Variants in HPF1 observed in about 807,000 individuals in gnomAD.
HPF1 encodes the protein histone PARylation factor 1, also known as UPF0609 protein C4orf27.
HPF1 carries 35 observed loss-of-function variants against 38.8 expected under a neutral mutation model. The observed-to-expected ratio is 0.90, with a 90% confidence interval of 0.69 to 1.19. The LOEUF is 1.19. HPF1 is among the 50% of genes most tolerant of loss of function. The pLI is 0.00. For missense variants in HPF1, 367 were observed against 405.8 expected, an observed-to-expected ratio of 0.90 and a Z score of 0.82; for synonymous variants, 115 against 139.2, an observed-to-expected ratio of 0.83 and a Z score of 1.22.
Position 169,757,924 on chromosome 4 carries a change from C to G in HPF1, c.-47G>C. 6.6e-7 allele frequency: 1 copy of G among 1,525,096 alleles called. No homozygotes were observed. Among genetic ancestry groups the G allele is most frequent in the Admixed American group, 2.0e-5 (1 of 50,562 alleles). The allele number at this position is 1,525,096 out of a possible 1,614,324, so 94.5% of individuals were successfully genotyped here. A position where few individuals can be genotyped will look rare whatever the true frequency, so the allele number is the denominator to read the frequency against. ...GAATTCCCCGATCCGCGGCCGCTTC[C>G]GAGCGCCGCCAACCGCTTCCGGGTT... is the stretch of plus-strand genomic sequence containing the variant. On this transcript the variant is annotated 5_prime_UTR_variant, in exon 1 of 8. Transcript: ENST00000393381.
intron 4 of HPF1, among the ~76,000 whole-genome samples, chr4:169,745,285 C>T (rs1734032924): frequency 6.6e-6 from 1 of 152,170 alleles, no homozygotes; most frequent in Non-Finnish European, 1.5e-5. Flanking sequence ...CACTGCCCAG[C>T]GACAGCAAGG....
intron 6 of HPF1, among the ~76,000 whole-genome samples, chr4:169,732,330 G>C (rs1436460815): frequency 6.6e-6 from 1 of 151,856 alleles, no homozygotes; most frequent in Non-Finnish European, 1.5e-5. Flanking sequence ...TAGTAGAGAC[G>C]GGATTTCACC....
chr4:169,748,679 C>G, intron 4 of HPF1, 65 bp downstream of exon 4: 1 of 774,724 alleles, frequency 1.3e-6, no homozygotes, highest in South Asian at 2.0e-5. Context: ...GCCCCTCAAA[C>G]CCCCTTTGTA....
Position 169,748,179 on chromosome 4 carries a change from G to T in HPF1, c.497+565C>A, listed in dbSNP as rs529947251. Among the ~76,000 whole-genome samples, 8 of 152,248 alleles carry T rather than the reference G, an allele frequency of 5.3e-5. No individual in the cohort carries two copies. In the South Asian group the frequency reaches 1.7e-3, roughly 32 times the overall value. ...AACTCTTAACAGGTGTTTAAAATCA[G>T]ATGTCTAACAAAACTGTTGATGTTG... is the stretch of plus-strand genomic sequence containing the variant. On this transcript the variant is annotated intron_variant, in intron 4 of 7. Transcript: ENST00000393381.
intron 1 of HPF1, among the ~76,000 whole-genome samples, chr4:169,757,369 GT>G (rs1410196455): frequency 1.3e-5 from 2 of 152,152 alleles, no homozygotes; most frequent in South Asian, 2.1e-4. Flanking sequence ...CTCCTTCAGT[GT>G]TTCCATAGCA....
At chr4:169,748,868 T>C in intron 3 of HPF1, 26 bp from the exon 4 acceptor site, 1 of 1,017,516 alleles carries the variant, frequency 9.8e-7, no homozygotes, top group Non-Finnish European at 1.5e-6. Context: ...ACATTAAAAA[T>C]TTAGCTGCCC....
intron 4 of HPF1, among the ~76,000 whole-genome samples, chr4:169,746,329 GTA>G (rs1038310642): frequency 6.6e-5 from 10 of 152,094 alleles, no homozygotes; most frequent in African/African-American, 2.4e-4. Context: ...TAACTTAAGG[GTA>G]TAAATGTGTA....
chr4:169,752,166 G>A (rs1415620121), intron 2 of HPF1, among the ~76,000 whole-genome samples: 2 of 118,526 alleles, frequency 1.7e-5, no homozygotes, highest in Non-Finnish European at 3.4e-5. Context: ...ATACAGGCAT[G>A]ACTTTTTTTT....
At chr4:169,735,283 A>G (rs1202137873) in intron 6 of HPF1, among the ~76,000 whole-genome samples, 6 of 152,228 alleles carry the variant, frequency 3.9e-5, no homozygotes, top group African/African-American at 1.4e-4. Context: ...GTTAAAGTGA[A>G]TCATGACACT....
intron 5 of HPF1, among the ~76,000 whole-genome samples, chr4:169,738,159 T>C (rs539857447): frequency 1.3e-3 from 205 of 152,274 alleles, no homozygotes; most frequent in African/African-American, 4.7e-3. Context: ...CAAGAAGATA[T>C]GGTAGGACAG....
At chr4:169,757,650 T>C (rs572917304) in intron 1 of HPF1, among the ~76,000 whole-genome samples, 180 bp downstream of exon 1, 3 of 152,344 alleles carry the variant, frequency 2.0e-5, no homozygotes, top group East Asian at 1.9e-4. Context: ...GCTACTTTCC[T>C]GGTCCAACCC....
chr4:169,757,411 CA>C (rs1013410838), intron 1 of HPF1, among the ~76,000 whole-genome samples: 1 of 152,246 alleles, frequency 6.6e-6, no homozygotes, highest in South Asian at 2.1e-4. Flanking sequence ...TAATCCCAAA[CA>C]AAAAAGTCAC....
At chr4:169,741,820 C>G (rs1733972987) in intron 5 of HPF1, 137 bp downstream of exon 5, 1 of 689,838 alleles carries the variant, frequency 1.4e-6, no homozygotes, top group Non-Finnish European at 2.4e-6. Context: ...GTGCCATCCT[C>G]CTAACATCCC....
At chr4:169,755,179 C>T (rs1474572462) in intron 1 of HPF1, among the ~76,000 whole-genome samples, 2 of 151,380 alleles carry the variant, frequency 1.3e-5, no homozygotes, top group Non-Finnish European at 2.9e-5. Context: ...GTCATGGTGG[C>T]ATTAATTCCA....
chr4:169,751,886 T>C (rs1581323313), intron 2 of HPF1, among the ~76,000 whole-genome samples: 1 of 152,172 alleles, frequency 6.6e-6, no homozygotes. Context: ...CAAATTTCCA[T>C]ACTCTCCACC....
chr4:169,747,385 C>T (rs904267834), intron 4 of HPF1, among the ~76,000 whole-genome samples: 1 of 152,024 alleles, frequency 6.6e-6, no homozygotes, highest in East Asian at 1.9e-4. Flanking sequence ...CTTGTAGATA[C>T]ACCAGTATGT....
chr4:169,733,148 C>G (rs1217184956), intron 6 of HPF1, among the ~76,000 whole-genome samples: 1 of 152,138 alleles, frequency 6.6e-6, no homozygotes, highest in Non-Finnish European at 1.5e-5. Flanking sequence ...TTAACTAAAA[C>G]CTTCACCAAA....
chr4:169,753,528 CT>C, intron 2 of HPF1, 147 bp downstream of exon 2: 1 of 659,126 alleles, frequency 1.5e-6, no homozygotes, highest in Non-Finnish European at 2.6e-6. Context: ...GGAGGTCTCA[CT>C]ATGTTGACCA....
intron 3 of HPF1, among the ~76,000 whole-genome samples, chr4:169,749,354 C>G (rs1416018141): frequency 2.0e-5 from 3 of 152,144 alleles, no homozygotes; most frequent in South Asian, 4.1e-4. Flanking sequence ...ATTTCAATAG[C>G]TCAAAATTAT....
Sources: gnomAD v4.1 joint callset for allele counts (sites outside exome capture counted in the v4.1 genomes callset) on GRCh38, gnomAD v4.1.1 for gene constraint, MANE v1.5 for transcripts, NCBI Gene and HGNC (gene_info 2026-07-23, HGNC 2026-07-21) for gene names.